Variants in AHCY observed in about 807,000 individuals in gnomAD.
AHCY encodes S-adenosyl-L-homocysteine hydrolase.
AHCY carries 24 observed loss-of-function variants against 45.4 expected under a neutral mutation model. The ratio of observed to expected loss-of-function variants is 0.53; its 90% CI spans 0.38 to 0.74. AHCY has a LOEUF of 0.74. AHCY is among the 30% of genes least tolerant of loss of function. The probability of loss-of-function intolerance (pLI) is 0.00; values close to 1 mark genes in which losing one functional copy is unlikely to be tolerated. For synonymous variants in AHCY, 245 were observed against 235.1 expected (o/e 1.04, Z -0.39); for missense variants, 449 against 594.1 (o/e 0.76, Z 2.54).
the AHCY span, chr20:34,241,474 C>T: frequency 8.1e-5 from 80 of 985,440 alleles, no homozygotes; most frequent in African/African-American, 7.0e-4. Flanking sequence ...GGCCTGGGCT[C>T]TTTGCGGGAA....
chr20:34,273,506 C>T, the AHCY span, among the ~76,000 whole-genome samples: 2 of 152,162 alleles, frequency 1.3e-5, no homozygotes, highest in South Asian at 4.1e-4. Flanking sequence ...GCTGGGATAA[C>T]AGGCGTGAGC....
the AHCY span, among the ~76,000 whole-genome samples, chr20:34,261,015 CACTGT>C: frequency 6.6e-6 from 1 of 152,140 alleles, no homozygotes; most frequent in South Asian, 2.1e-4. Flanking sequence ...GTGTGGTAGG[CACTGT>C]GAGGTGAGTA....
At chr20:34,291,959 T>C (rs547913498) in intron 4 of AHCY, among the ~76,000 whole-genome samples, 1 of 152,374 alleles carries the variant, frequency 6.6e-6, no homozygotes, top group South Asian at 2.1e-4. Context: ...CCCTGACACA[T>C]CTGGTCTTCA....
At chr20:34,242,916 G>A in the AHCY span, among the ~76,000 whole-genome samples, 2 of 152,254 alleles carry the variant, frequency 1.3e-5, no homozygotes, top group African/African-American at 2.4e-5. Context: ...AGGAGAAAAG[G>A]CAGAGAAGTG....
At chr20:34,286,255 G>A (rs1325424152) in intron 8 of AHCY, 1 of 163,252 alleles carries the variant, frequency 6.1e-6, no homozygotes, top group African/African-American at 2.4e-5. Flanking sequence ...ACTGTCATGT[G>A]CCCTGTACTA....
At chr20:34,258,700 A>ATATATATATATATATATATATACATAC in the AHCY span, among the ~76,000 whole-genome samples, 4 of 77,916 alleles carry the variant, frequency 5.1e-5, no homozygotes, top group Non-Finnish European at 7.2e-5. Flanking sequence ...TACATACTAT[A>ATATATATATATATATATATATACATAC]TATATATATT....
In AHCY at chr20:34,290,429, T is replaced by A. The variant is rs1234006772; in HGVS notation, c.875A>T (p.Asp292Val). The change falls in exon 8 of 10, where the codon GAT (aspartate) becomes GTT (valine). Residue 292 changes from aspartate (D) to valine (V), a missense_variant. Coordinates refer to ENST00000217426, the MANE Select transcript of AHCY (RefSeq NM_000687.4). This position sits in a 1 kb window ranked among gnomAD's most constrained non-coding sequence, Gnocchi z 4.5. ...ILGRHFEQMK[D>V]DAIVCNIGHF... The stretch of plus-strand genomic sequence containing the variant: ...TCCAATGTTACACACAATGGCATCA[T>A]CCTTCATCTGCTCAAAGTGCCTGTC... 1 of 1,614,218 alleles carries A rather than the reference T, an allele frequency of 6.2e-7. No individual in the cohort carries two copies. The highest frequency in any genetic ancestry group is 1.7e-5 in the Admixed American group (1 of 60,032).
At chr20:34,247,904 A>G in the AHCY span, among the ~76,000 whole-genome samples, 2 of 151,882 alleles carry the variant, frequency 1.3e-5, no homozygotes, top group South Asian at 2.1e-4. Flanking sequence ...GTCTTGTATG[A>G]CTTTTAAATT....
the AHCY span, among the ~76,000 whole-genome samples, chr20:34,242,599 CAACAA>C: frequency 1.3e-5 from 2 of 152,204 alleles, no homozygotes; most frequent in Non-Finnish European, 2.9e-5. Context: ...AACAAACAAA[CAACAA>C]AACAAAACAA....
the AHCY span, among the ~76,000 whole-genome samples, chr20:34,271,966 G>A: frequency 2.6e-5 from 4 of 151,870 alleles, no homozygotes; most frequent in African/African-American, 9.7e-5. Flanking sequence ...ACTCTAGCTA[G>A]CTTGAGAGAA....
rs1445108345 is a variant in AHCY, at chr20:34,295,661, C to G, written c.29-76G>C. The G allele has an allele frequency of 9.5e-6, 14 of 1,479,076 alleles. No individual in the cohort carries two copies. The African/African-American group carries it at 1.8e-4, about 19-fold the overall frequency. The allele number at this position is 1,479,076 out of a possible 1,614,324, so 91.6% of individuals were successfully genotyped here. A position where few individuals can be genotyped will look rare whatever the true frequency, so the allele number is the denominator to read the frequency against. On this transcript the variant is annotated intron_variant, in intron 1 of 9. Transcript: ENST00000217426. Reference sequence around the variant, plus strand: ...CAAGAGGGGCGGTCACTGCATGGACCCCGATCCACGTGTGGACTCAACACA... The same window carrying G: ...CAAGAGGGGCGGTCACTGCATGGACGCCGATCCACGTGTGGACTCAACACA...
At chr20:34,305,176 T>C (rs77902852), upstream of AHCY, among the ~76,000 whole-genome samples, 1 of 134,096 alleles carries the variant, frequency 7.5e-6, no homozygotes, top group African/African-American at 3.7e-5. Context: ...AAAAAAAAAT[T>C]AGCTGGGCGT....
chr20:34,294,665 A>G (rs1207469945), intron 2 of AHCY, among the ~76,000 whole-genome samples: 2 of 152,108 alleles, frequency 1.3e-5, no homozygotes, highest in African/African-American at 4.8e-5. Flanking sequence ...TTTGGGAAGA[A>G]GAGGGGGCAG....
chr20:34,303,153 G>C, intron 1 of AHCY, 90 bp downstream of exon 1: 1 of 1,540,968 alleles, frequency 6.5e-7, no homozygotes, highest in South Asian at 1.2e-5. Flanking sequence ...GGGGTCCAGA[G>C]AGCCCCGAGT....
chr20:34,255,703 G>A, the AHCY span, among the ~76,000 whole-genome samples: 2 of 152,300 alleles, frequency 1.3e-5, no homozygotes, highest in Non-Finnish European at 1.5e-5. Context: ...GAAGGGACAC[G>A]GTGAGCAAGT....
upstream of AHCY, among the ~76,000 whole-genome samples, chr20:34,303,876 G>A (rs1052046476): frequency 3.9e-4 from 59 of 152,132 alleles, 1 homozygote; most frequent in Non-Finnish European, 1.5e-5. Flanking sequence ...CGCGCTTGTG[G>A]TCCCAGCTAC....
the AHCY span, chr20:34,260,639 T>A: frequency 7.9e-7 from 1 of 1,270,906 alleles, no homozygotes; most frequent in Non-Finnish European, 1.1e-6. Flanking sequence ...CACGGCTCCT[T>A]CTTGCTCGTT....
At chr20:34,243,603 C>T in the AHCY span, among the ~76,000 whole-genome samples, 19 of 152,026 alleles carry the variant, frequency 1.2e-4, no homozygotes, top group African/African-American at 4.6e-4. Context: ...CATCTGCCAG[C>T]ACCAACAGAA....
intron 1 of AHCY, among the ~76,000 whole-genome samples, chr20:34,298,515 C>T (rs544579643): frequency 1.1e-4 from 16 of 151,498 alleles, no homozygotes; most frequent in East Asian, 5.9e-4. Flanking sequence ...TCTGGGAAGA[C>T]GCCCGTTACC....
Sources: gnomAD v4.1 joint callset for allele counts (sites outside exome capture counted in the v4.1 genomes callset) on GRCh38, gnomAD v4.1.1 for gene constraint, Gnocchi (gnomAD v3.1) non-coding constraint, MANE v1.5 for transcripts, NCBI Gene and HGNC (gene_info 2026-07-23, HGNC 2026-07-21) for gene names.